Variants in MTURN observed in about 807,000 individuals in gnomAD.
The protein encoded by MTURN is maturin, neural progenitor differentiation regulator homolog.
Under a neutral mutation model 14.9 loss-of-function variants are expected in MTURN, and 7 were observed. That is an observed-to-expected ratio of 0.47 (90% CI 0.27 to 0.88). The LOEUF (loss-of-function observed/expected upper bound fraction) is 0.88. MTURN is among the 40% of genes least tolerant of loss of function. The pLI, the probability that MTURN is intolerant of heterozygous loss-of-function variation, is 0.14. For synonymous variants in MTURN, 69 were observed against 72.5 expected, an observed-to-expected ratio of 0.95 and a Z score of 0.25; for missense variants, 151 against 174.1, an observed-to-expected ratio of 0.87 and a Z score of 0.75.
intron 2 of MTURN, among the ~76,000 whole-genome samples, chr7:30,153,253 A>T (rs1211449846): frequency 6.6e-6 from 1 of 152,112 alleles, no homozygotes; most frequent in African/African-American, 2.4e-5. Context: ...GGGATTAAGC[A>T]TAGAGGTGAG....
In MTURN at chr7:30,135,113, G is replaced by A. The variant is rs1310496881; in HGVS notation, c.-24G>A. On this transcript the variant is annotated 5_prime_UTR_variant, in exon 1 of 3. Coordinates refer to ENST00000324453, the MANE Select transcript of MTURN (RefSeq NM_152793.3). ...CCTAGGAGCGGGAGGGCGGGCGGCG[G>A]CGGGAGGCGGGCGCGGGGCCGCGAT... The A allele has an allele frequency of 7.1e-7, 1 of 1,414,430 alleles. No individual in the cohort carries two copies. The highest frequency in any genetic ancestry group is 3.5e-5 in the East Asian group (1 of 28,904). 87.6% of individuals were successfully genotyped at this position (1,414,430 alleles called of 1,614,324 possible). A position where few individuals can be genotyped will look rare whatever the true frequency, so the allele number is the denominator to read the frequency against.
chr7:30,157,350 T>TTAATG (rs1562572041), intron 2 of MTURN, 88 bp from the exon 3 acceptor site: 4 of 1,141,266 alleles, frequency 3.5e-6, no homozygotes, highest in Non-Finnish European at 3.7e-6. Context: ...TAAGTACTCT[T>TTAATG]TAATGTGGAT....
chr7:30,142,908 T>G (rs1294048399), intron 1 of MTURN, among the ~76,000 whole-genome samples: 1 of 152,220 alleles, frequency 6.6e-6, no homozygotes, highest in Admixed American at 6.5e-5. Flanking sequence ...TGCTGTAGTT[T>G]TTTTCCTGGT....
chr7:30,156,622 C>T (rs949760811), intron 2 of MTURN, among the ~76,000 whole-genome samples: 2 of 152,094 alleles, frequency 1.3e-5, no homozygotes, highest in Non-Finnish European at 2.9e-5. Flanking sequence ...GTCAGAAGAT[C>T]GAGACCACCC....
rs1797337250 is a variant in MTURN at position 30,159,482 on chromosome 7, T to C, written c.*1934T>C. 6.6e-6 allele frequency: 1 copy of C among 152,638 alleles called. No homozygotes were observed. Among genetic ancestry groups the C allele is most frequent in the Non-Finnish European group, 1.5e-5 (1 of 68,036 alleles). The allele number at this position is 152,638 out of a possible 1,614,324, so 9.5% of individuals were successfully genotyped here. ...CGTTGAAGCTTAAAATCTAAATTTATGTATGTTTGGAAATGGAATGGACAT... is the reference window on the plus strand; with the variant it reads ...CGTTGAAGCTTAAAATCTAAATTTACGTATGTTTGGAAATGGAATGGACAT... On this transcript the variant is annotated 3_prime_UTR_variant, in exon 3 of 3. Coordinates refer to ENST00000324453, the MANE Select transcript of MTURN (RefSeq NM_152793.3).
intron 1 of MTURN, among the ~76,000 whole-genome samples, chr7:30,142,343 C>G (rs1797064086): frequency 6.6e-6 from 1 of 152,190 alleles, no homozygotes; most frequent in African/African-American, 2.4e-5. Flanking sequence ...ACAGCCACTT[C>G]ACTGCAGCTC....
At chr7:30,147,457 C>T (rs181270090) in intron 2 of MTURN, among the ~76,000 whole-genome samples, 1 of 152,238 alleles carries the variant, frequency 6.6e-6, no homozygotes, top group African/African-American at 2.4e-5. Flanking sequence ...GCCTCCTGTG[C>T]CTCCTCCTCG....
chr7:30,137,909 G>A (rs1461394488), intron 1 of MTURN, among the ~76,000 whole-genome samples: 3 of 151,760 alleles, frequency 2.0e-5, no homozygotes, highest in Admixed American at 6.6e-5. Context: ...ATTTATTGAG[G>A]GTTTACTTTG....
intron 2 of MTURN, among the ~76,000 whole-genome samples, chr7:30,154,843 G>A (rs1797262581): frequency 6.6e-6 from 1 of 152,208 alleles, no homozygotes; most frequent in Non-Finnish European, 1.5e-5. Flanking sequence ...TCCAGCCTGG[G>A]GACCTGTCAG....
In MTURN at chr7:30,135,055, C is replaced by G. The variant is rs1224497661; in HGVS notation, c.-82C>G. On this transcript the variant is annotated 5_prime_UTR_variant, in exon 1 of 3. Coordinates refer to ENST00000324453, the MANE Select transcript of MTURN (RefSeq NM_152793.3). ...CCGGAGGAGCCCGCGCAGGCCGAGC[C>G]GAGCGCCGCGCTGCCCGCCCGGGAG... 6.1e-6 allele frequency: 7 copies of G among 1,154,434 alleles called. No individual in the cohort carries two copies. Among genetic ancestry groups the G allele is most frequent in the East Asian group, 5.1e-5 (1 of 19,708 alleles). 71.5% of individuals were successfully genotyped at this position (1,154,434 alleles called of 1,614,324 possible). A position where few individuals can be genotyped will look rare whatever the true frequency, so the allele number is the denominator to read the frequency against.
intron 1 of MTURN, among the ~76,000 whole-genome samples, chr7:30,145,604 G>A (rs748402297): frequency 2.0e-5 from 3 of 152,210 alleles, no homozygotes; most frequent in African/African-American, 4.8e-5. Flanking sequence ...TTTTAGGGAA[G>A]GGAAGTTTTC....
chr7:30,153,019 GA>G (rs1234776794), intron 2 of MTURN, among the ~76,000 whole-genome samples: 2 of 151,892 alleles, frequency 1.3e-5, no homozygotes, highest in East Asian at 1.9e-4. Flanking sequence ...CCAGTCAGCT[GA>G]AAAAAAATTC....
intron 1 of MTURN, chr7:30,137,129 C>T (rs1267600927): frequency 6.5e-6 from 1 of 154,614 alleles, no homozygotes; most frequent in African/African-American, 2.4e-5. Context: ...AGAAAGCCCC[C>T]AGGATACAGT....
Position 30,160,303 on chromosome 7 carries a change from C to T in MTURN, c.*2755C>T, listed in dbSNP as rs536004871. 6.6e-6 allele frequency: 1 copy of T among 152,446 alleles called. No homozygotes were observed. Among genetic ancestry groups the T allele is most frequent in the Non-Finnish European group, 1.5e-5 (1 of 68,104 alleles). The allele number at this position is 152,446 out of a possible 1,614,324, so 9.4% of individuals were successfully genotyped here. On this transcript the variant is annotated 3_prime_UTR_variant, in exon 3 of 3. Coordinates refer to ENST00000324453, the MANE Select transcript of MTURN (RefSeq NM_152793.3). ...GCCCAAGCCCCTGAGGGCTCGATCT[C>T]ATGGGGCAGATGAAATTCTCTTCCT...
chr7:30,153,265 A>T (rs1483962636), intron 2 of MTURN, among the ~76,000 whole-genome samples: 1 of 151,976 alleles, frequency 6.6e-6, no homozygotes, highest in African/African-American at 2.4e-5. Context: ...AGAGGTGAGG[A>T]TGCTAGATTA....
In MTURN at chr7:30,160,617, A is replaced by G. The variant is rs900862907; in HGVS notation, c.*3069A>G. 5 of 152,228 alleles carry G rather than the reference A, an allele frequency of 3.3e-5. No homozygotes were observed. The highest frequency in any genetic ancestry group is 1.2e-4 in the African/African-American group (5 of 41,432). The allele number at this position is 152,228 out of a possible 1,614,324, so 9.4% of individuals were successfully genotyped here. On this transcript the variant is annotated 3_prime_UTR_variant, in exon 3 of 3. Coordinates refer to ENST00000324453, the MANE Select transcript of MTURN (RefSeq NM_152793.3). ...GAGAGAGAGAAAGAAAGAGAAAGGA[A>G]TGCTTGATTGCTTGTTGTTCACTGG...
At position 30,135,152 on chromosome 7, in the gene MTURN, C is replaced by G. The variant is rs1796923968; in HGVS notation, c.16C>G (p.Leu6Val). 4 of 1,462,410 alleles carry G rather than the reference C, an allele frequency of 2.7e-6. No homozygotes were observed. Among genetic ancestry groups the G allele is most frequent in the African/African-American group, 1.5e-5 (1 of 67,558 alleles). 90.6% of individuals were successfully genotyped at this position (1,462,410 alleles called of 1,614,324 possible). A position where few individuals can be genotyped will look rare whatever the true frequency, so the allele number is the denominator to read the frequency against. ...CGGGGCCGCGATGGATTTCCAGCAG[C>G]TGGCCGACGTTGCGGAGAAATGGTG... The part of the protein sequence containing the change: MDFQQ[L>V]ADVAEKWCSN... The change falls in exon 1 of 3, where the codon CTG becomes GTG. Residue 6 changes from leucine to valine, a missense_variant. Coordinates refer to ENST00000324453, the MANE Select transcript of MTURN (RefSeq NM_152793.3).
intron 1 of MTURN, chr7:30,137,560 A>T: frequency 2.1e-6 from 1 of 469,012 alleles, no homozygotes; most frequent in Non-Finnish European, 4.4e-6. Context: ...AATAGATAGA[A>T]AGATAGAGGA....
rs569651871 is a variant in MTURN, at chr7:30,137,862, A to G, written c.162+2564A>G. ...ACATGAGCATTTCTCAATTTACAAA[A>G]GTATTTCCACATCATTCATTCATTC... On this transcript the variant is annotated intron_variant, in intron 1 of 2. Transcript: ENST00000324453. 2.4e-4 allele frequency among the ~76,000 whole-genome samples: 37 copies of G among 152,068 alleles called. 1 individual carries two copies. Among genetic ancestry groups the G allele is most frequent in the Middle Eastern group, 6.8e-3 (2 of 294 alleles).
Sources: allele counts gnomAD v4.1 joint callset (sites outside exome capture counted in the v4.1 genomes callset), GRCh38; gene constraint gnomAD v4.1.1; transcripts MANE v1.5; gene names NCBI Gene and HGNC (gene_info 2026-07-23, HGNC 2026-07-21).